The following PCDH9 variants were observed in gnomAD, a reference collection of about 807,000 sequenced individuals.
PCDH9 encodes the protein protocadherin-9.
A neutral mutation model predicts 70.6 loss-of-function variants in PCDH9; 24 were observed. The observed-to-expected ratio is 0.34, with a 90% confidence interval of 0.25 to 0.48. The LOEUF (loss-of-function observed/expected upper bound fraction) is 0.48, where lower values mean the gene tolerates loss of function less well. Among genes scored for constraint, PCDH9 ranks in the 20% least tolerant of loss-of-function variants. The pLI is 0.99. For synonymous variants in PCDH9, 562 were observed against 558.5 expected, an observed-to-expected ratio of 1.01 and a Z score of -0.09; for missense variants, 1,281 against 1,503.6, an observed-to-expected ratio of 0.85 and a Z score of 2.45.
At chr13:66,665,223 C>T (rs1319489622) in intron 3 of PCDH9, among the ~76,000 whole-genome samples, 1 of 151,870 alleles carries the variant, frequency 6.6e-6, no homozygotes, top group African/African-American at 2.4e-5. Context: ...TCTCCCGCCT[C>T]AGCCTCCCAA....
chr13:66,392,491 C>T (rs1384213455), intron 4 of PCDH9, among the ~76,000 whole-genome samples: 1 of 152,110 alleles, frequency 6.6e-6, no homozygotes, highest in Non-Finnish European at 1.5e-5. Flanking sequence ...CCATTCTCCC[C>T]AGAATGAAAT....
intron 2 of PCDH9, among the ~76,000 whole-genome samples, chr13:66,924,142 A>G (rs1480636689): frequency 6.6e-6 from 1 of 151,746 alleles, no homozygotes; most frequent in East Asian, 1.9e-4. Context: ...TAAATAGTGC[A>G]TCACTTAAAA....
chr13:66,443,477 T>C (rs1005991024), intron 4 of PCDH9, among the ~76,000 whole-genome samples: 6 of 152,170 alleles, frequency 3.9e-5, no homozygotes, highest in Admixed American at 2.0e-4. Context: ...ATTTATTATA[T>C]TCCAATAAAC....
Position 66,965,612 on chromosome 13 carries a change from G to A in PCDH9, c.3037-62007C>T, listed in dbSNP as rs1359977494. ...ATATTAAATTGTTTTTTTTCCCTCC[G>A]TCGGGGCCATCACATCTTAGATCAG... On this transcript the variant is annotated intron_variant, in intron 2 of 4. Coordinates refer to ENST00000377865, the MANE Select transcript of PCDH9 (RefSeq NM_203487.3). Among the ~76,000 whole-genome samples, 6 of 151,216 alleles carry A rather than the reference G, an allele frequency of 4.0e-5. 1 individual carries two copies. Among genetic ancestry groups the A allele is most frequent in the South Asian group, 4.2e-4 (2 of 4,808 alleles).
intron 4 of PCDH9, among the ~76,000 whole-genome samples, chr13:66,528,391 G>A (rs1272246963): frequency 2.0e-5 from 3 of 152,076 alleles, no homozygotes; most frequent in African/African-American, 7.2e-5. Flanking sequence ...CTACTCTACT[G>A]AGGAAGCTCC....
At chr13:67,054,834 A>T (rs908074000) in intron 2 of PCDH9, among the ~76,000 whole-genome samples, 3 of 152,178 alleles carry the variant, frequency 2.0e-5, no homozygotes, top group African/African-American at 7.2e-5. Flanking sequence ...ATGTCCCTGC[A>T]TCTGTCATAT....
intron 2 of PCDH9, among the ~76,000 whole-genome samples, chr13:67,178,928 C>A (rs1243868979): frequency 3.3e-5 from 5 of 152,150 alleles, no homozygotes; most frequent in South Asian, 2.1e-4. Flanking sequence ...TCTTGATACC[C>A]TATACTTACC....
At chr13:66,783,578 T>C (rs1221939790) in intron 3 of PCDH9, among the ~76,000 whole-genome samples, 1 of 152,152 alleles carries the variant, frequency 6.6e-6, no homozygotes, top group Non-Finnish European at 1.5e-5. Flanking sequence ...CTGATGTTTA[T>C]AAAAAATATG....
intron 2 of PCDH9, among the ~76,000 whole-genome samples, chr13:66,931,238 C>T (rs2139661541): frequency 6.6e-6 from 1 of 152,086 alleles, no homozygotes; most frequent in African/African-American, 2.4e-5. Flanking sequence ...TTATATATGT[C>T]ACCTTTTTCT....
intron 3 of PCDH9, among the ~76,000 whole-genome samples, chr13:66,697,681 C>T (rs1336848320): frequency 6.6e-6 from 1 of 152,066 alleles, no homozygotes; most frequent in Non-Finnish European, 1.5e-5. Context: ...ACTATCACTC[C>T]CAGTCACAGC....
chr13:66,724,105 T>C (rs1257003281), intron 3 of PCDH9, among the ~76,000 whole-genome samples: 1 of 152,204 alleles, frequency 6.6e-6, no homozygotes, highest in East Asian at 1.9e-4. Flanking sequence ...GAATTTTTCT[T>C]TTTTCTCTTT....
intron 2 of PCDH9, among the ~76,000 whole-genome samples, chr13:67,096,360 G>T (rs1289165775): frequency 6.6e-6 from 1 of 152,128 alleles, no homozygotes; most frequent in Non-Finnish European, 1.5e-5. Flanking sequence ...AGACTCAGAA[G>T]ACTTGAATTC....
At chr13:66,352,219 T>C (rs1387811936) in intron 4 of PCDH9, among the ~76,000 whole-genome samples, 1 of 152,230 alleles carries the variant, frequency 6.6e-6, no homozygotes, top group East Asian at 1.9e-4. Flanking sequence ...AAAAGCTTAT[T>C]AACTTTAACC....
intron 4 of PCDH9, among the ~76,000 whole-genome samples, chr13:66,569,079 G>A (rs1377931608): frequency 7.7e-6 from 1 of 130,552 alleles, no homozygotes; most frequent in Non-Finnish European, 1.5e-5. Flanking sequence ...TCAACTCACT[G>A]CAACCTCCAC....
At chr13:67,056,017 T>C (rs1424431768) in intron 2 of PCDH9, among the ~76,000 whole-genome samples, 1 of 152,050 alleles carries the variant, frequency 6.6e-6, no homozygotes, top group Non-Finnish European at 1.5e-5. Flanking sequence ...AACAAATAAA[T>C]AGAATATTTT....
At chr13:66,421,627 C>T (rs1957568608) in intron 4 of PCDH9, among the ~76,000 whole-genome samples, 1 of 152,116 alleles carries the variant, frequency 6.6e-6, no homozygotes, top group Non-Finnish European at 1.5e-5. Context: ...GATTTTGTTA[C>T]CACCAGGCTT....
chr13:67,124,168 G>A (rs2086930877), intron 2 of PCDH9, among the ~76,000 whole-genome samples: 1 of 152,152 alleles, frequency 6.6e-6, no homozygotes. Context: ...TGTCGAAGGA[G>A]TGTCATAGGT....
chr13:67,201,099 A>G (rs751977521), intron 2 of PCDH9: 2 of 152,124 alleles, frequency 1.3e-5, no homozygotes, highest in Non-Finnish European at 2.9e-5. Flanking sequence ...AATTAAAAAT[A>G]AATTGGAAAG....
chr13:66,887,807 T>TA (rs1372961840), intron 3 of PCDH9, among the ~76,000 whole-genome samples: 1 of 152,164 alleles, frequency 6.6e-6, no homozygotes, highest in African/African-American at 2.4e-5. Flanking sequence ...TAAAGCTACT[T>TA]AAAAAAACCT....
Sources: gnomAD v4.1 joint callset for allele counts (sites outside exome capture counted in the v4.1 genomes callset) on GRCh38, gnomAD v4.1.1 for gene constraint, MANE v1.5 for transcripts, NCBI Gene and HGNC (gene_info 2026-07-23, HGNC 2026-07-21) for gene names.